Variants in NSD2 observed in about 807,000 individuals in gnomAD.
The protein encoded by NSD2 is histone-lysine N-methyltransferase NSD2.
A neutral mutation model predicts 139.0 loss-of-function variants in NSD2; 12 were observed. The ratio of observed to expected loss-of-function variants is 0.09; its 90% confidence interval spans 0.06 to 0.14. The LOEUF is 0.14. Among genes scored for constraint, NSD2 ranks in the 10% least tolerant of loss-of-function variants. The pLI is 1.00. For synonymous variants in NSD2, 669 were observed against 648.7 expected (o/e 1.03, Z -0.48); for missense variants, 1,155 against 1,745.0 (o/e 0.66, Z 6.02).
Position 1,906,654 on chromosome 4 carries a change from C to CTTTTT in NSD2, c.760+2296_760+2300dup, listed in dbSNP as rs537619996. Among the ~76,000 whole-genome samples, 35 of 99,958 alleles carry CTTTTT rather than the reference C, an allele frequency of 3.5e-4. 1 individual carries two copies. The highest frequency in any genetic ancestry group is 4.2e-4 in the Non-Finnish European group (22 of 51,828). The allele number at this position is 99,958 out of a possible 152,430, so 65.6% of individuals were successfully genotyped here. On this transcript the variant is annotated intron_variant, in intron 3 of 21. Coordinates refer to ENST00000508803, the MANE Select transcript of NSD2 (RefSeq NM_001042424.3). ...GCCATTTTTACTTCTCTCTCTCTCT[C>CTTTTT]TTTTTTTTTTTTTTTTTTTTTTTTG...
rs547608754 is a variant in NSD2, at chr4:1,921,463, A to T, written c.1410+2840A>T. Among the ~76,000 whole-genome samples, 19 of 145,182 alleles carry T rather than the reference A, an allele frequency of 1.3e-4. 1 individual carries two copies. Among genetic ancestry groups the T allele is most frequent in the Admixed American group, 1.0e-3 (15 of 14,422 alleles). On this transcript the variant is annotated intron_variant, in intron 5 of 21. Transcript: ENST00000508803. ...ACAGAGCGAGACTCCGTCTCAAATT[A>T]AAAAAAAAAAGCATTCTCTTTAAAA... is the stretch of plus-strand genomic sequence containing the variant.
rs543954151 is a variant in NSD2 at position 1,962,438 on chromosome 4, AG to A, written c.3372+1288del. Among the ~76,000 whole-genome samples, 80 of 152,308 alleles carry A rather than the reference AG, an allele frequency of 5.3e-4. 1 individual carries two copies. The highest frequency in any genetic ancestry group is 1.8e-3 in the African/African-American group (76 of 41,570). On this transcript the variant is annotated intron_variant, in intron 18 of 21. Transcript: ENST00000508803. Reference sequence around the variant, plus strand: ...CATGCTAAATTTCATAGGTATGGAAAGTGTTGTGGCTGCGCAAGAGAATGAC... The same window carrying A: ...CATGCTAAATTTCATAGGTATGGAAATGTTGTGGCTGCGCAAGAGAATGAC...
At chr4:1,939,393 T>C in intron 8 of NSD2, 2 of 467,450 alleles carry the variant, frequency 4.3e-6, no homozygotes, top group Non-Finnish European at 7.8e-6. Flanking sequence ...CAGGGGGACG[T>C]GGAACCAGGT....
intron 7 of NSD2, among the ~76,000 whole-genome samples, chr4:1,937,218 A>AT (rs1467691472): frequency 9.9e-5 from 15 of 151,712 alleles, no homozygotes; most frequent in Non-Finnish European, 1.6e-4. Context: ...TGTCCAGCTA[A>AT]TTTTTTTGTA....
Position 1,874,313 on chromosome 4 carries a change from G to C in NSD2, c.-30+2771G>C, listed in dbSNP as rs148346589. On this transcript the variant is annotated intron_variant, in intron 1 of 21. Coordinates refer to ENST00000508803, the MANE Select transcript of NSD2 (RefSeq NM_001042424.3). ...TACGTGGTACCATGTCCTGACTCCA[G>C]GCCTTTGTGTGGGCTGTTCTTGGGT... Among the ~76,000 whole-genome samples the C allele has an allele frequency of 2.4e-4, 37 of 152,252 alleles. 1 individual carries two copies. In the East Asian group the frequency reaches 7.1e-3, roughly 29 times the overall value.
chr4:1,970,328 G>A (rs186777528), intron 18 of NSD2, among the ~76,000 whole-genome samples: 1 of 152,214 alleles, frequency 6.6e-6, no homozygotes, highest in African/African-American at 2.4e-5. Flanking sequence ...TCCTCAGAAC[G>A]AGCCAGGGGT....
rs142054662 is a variant in NSD2 at position 1,978,838 on chromosome 4, C to T, written c.4027C>T (p.Pro1343Ser). 8 of 1,603,636 alleles carry T rather than the reference C, an allele frequency of 5.0e-6. No individual in the cohort carries two copies. The highest frequency in any genetic ancestry group is 6.8e-6 in the Non-Finnish European group (8 of 1,172,402). The change falls in exon 22 of 22, where the codon CCA becomes TCA. Residue 1343 changes from proline (P) to serine (S), a missense_variant. Physicochemically the swap from Pro to Ser is moderately conservative, Grantham distance 74. This residue lies in a region of NSD2 where 132 missense variants were observed against 94.3 expected (regional missense o/e 1.40). Coordinates refer to ENST00000508803, the MANE Select transcript of NSD2 (RefSeq NM_001042424.3). The stretch of plus-strand genomic sequence containing the variant: ...AAGCACCAAGACTGAGAAGCCCCCC[C>T]CAGAGCCAGGGAAGCCGAAGGGGAA... ...VRSTKTEKPP[P>S]EPGKPKGKRR...
chr4:1,881,323 C>T (rs545073900), intron 1 of NSD2, among the ~76,000 whole-genome samples: 2 of 152,222 alleles, frequency 1.3e-5, no homozygotes, highest in Non-Finnish European at 2.9e-5. Context: ...AGTGCAGTGG[C>T]GCGATCTCGG....
At chr4:1,909,891 G>A (rs1260089695) in intron 3 of NSD2, among the ~76,000 whole-genome samples, 4 of 151,360 alleles carry the variant, frequency 2.6e-5, no homozygotes, top group East Asian at 2.0e-4. Flanking sequence ...CGCCCAACTC[G>A]GCCTCCCAAA....
intron 9 of NSD2, chr4:1,941,408 G>A (rs1723082182): frequency 1.9e-6 from 2 of 1,049,182 alleles, no homozygotes; most frequent in Non-Finnish European, 1.2e-6. Context: ...TATATCGAAG[G>A]CTTTGATTTA....
At chr4:1,950,957 G>A in intron 9 of NSD2, 115 bp from the exon 10 acceptor site, 1 of 1,408,766 alleles carries the variant, frequency 7.1e-7, no homozygotes, top group Non-Finnish European at 9.7e-7. Context: ...TACAGGACCA[G>A]TGCTGAGAAA....
chr4:1,910,094 TTTTGGAAATCAAAATTTCC>T lies in NSD2; in HGVS notation c.760+5727_760+5745del, dbSNP rs534869123. On this transcript the variant is annotated intron_variant, in intron 3 of 21. Transcript: ENST00000508803. ...ATAAGCTACAGCTCAATCTAGATTCTTTTGGAAATCAAAATTTCCTTTGGAAATCTTAAGTTAATGAAAG... is the reference window on the plus strand; with the variant it reads ...ATAAGCTACAGCTCAATCTAGATTCTTTTGGAAATCTTAAGTTAATGAAAG... Among the ~76,000 whole-genome samples, 141 of 152,334 alleles carry T rather than the reference TTTTGGAAATCAAAATTTCC, an allele frequency of 9.3e-4. 2 individuals are homozygous for T. In the South Asian group the frequency reaches 0.026, roughly 28 times the overall value.
chr4:1,975,106 T>C (rs1726931623), intron 19 of NSD2, 102 bp downstream of exon 19: 1 of 1,553,256 alleles, frequency 6.4e-7, no homozygotes, highest in South Asian at 1.2e-5. Context: ...CTGGGGGAGG[T>C]GGGTGCTGAT....
chr4:1,900,620 C>T lies in NSD2; in HGVS notation c.-29-6C>T. 3 of 1,483,016 alleles carry T rather than the reference C, an allele frequency of 2.0e-6. No individual in the cohort carries two copies. Among genetic ancestry groups the T allele is most frequent in the Non-Finnish European group, 9.0e-7 (1 of 1,109,382 alleles). The allele number at this position is 1,483,016 out of a possible 1,614,324, so 91.9% of individuals were successfully genotyped here. A position where few individuals can be genotyped will look rare whatever the true frequency, so the allele number is the denominator to read the frequency against. Reference sequence around the variant, plus strand: ...TCTTTCTTTTTTCTTTTTTTTAATACCATAGTGTTCTAAGAACGGAAGCAT... The same window carrying T: ...TCTTTCTTTTTTCTTTTTTTTAATATCATAGTGTTCTAAGAACGGAAGCAT... On this transcript the variant is annotated splice_region_variant and splice_polypyrimidine_tract_variant and intron_variant, in intron 1 of 21. Transcript: ENST00000508803.
Position 1,944,200 on chromosome 4 carries a change from G to C in NSD2, c.1881+4422G>C. On this transcript the variant is annotated intron_variant, in intron 9 of 21. Coordinates refer to ENST00000508803, the MANE Select transcript of NSD2 (RefSeq NM_001042424.3). ...TGTGTGGCAGCATTGTCCCACTTCA[G>C]ATGCCAGGAGTGGGCTCATCCTAGA... 3.8e-6 allele frequency: 4 copies of C among 1,066,266 alleles called. No individual in the cohort carries two copies. The South Asian group carries it at 1.4e-4, about 36-fold the overall frequency. 66.1% of individuals were successfully genotyped at this position (1,066,266 alleles called of 1,614,324 possible). A position where few individuals can be genotyped will look rare whatever the true frequency, so the allele number is the denominator to read the frequency against.
Position 1,930,755 on chromosome 4 carries a change from G to A in NSD2, c.1540G>A (p.Ala514Thr), listed in dbSNP as rs1262675030. ...TKFALVAPVQ[A>T]EEDSGNVNGK... ...GTTTGCCCTGGTGGCCCCTGTCCAG[G>A]CTGAAGAAGACTCTGGTAAACATAG... Residue 514 changes from alanine to threonine, a missense_variant, in exon 6 of 22, where the codon GCT becomes ACT. Transcript: ENST00000508803. 2 of 1,613,342 alleles carry A rather than the reference G, an allele frequency of 1.2e-6. No homozygotes were observed. The highest frequency in any genetic ancestry group is 1.3e-5 in the African/African-American group (1 of 74,938).
Position 1,929,604 on chromosome 4 carries a change from C to G in NSD2, c.1411-1022C>G, listed in dbSNP as rs569671675. ...AAGACAGCCATGGGCAGCATGGGAA[C>G]AAATGCATGGGGCTGACATCCAGTA... On this transcript the variant is annotated intron_variant, in intron 5 of 21. Transcript: ENST00000508803. 2.6e-5 allele frequency among the ~76,000 whole-genome samples: 4 copies of G among 152,308 alleles called. No homozygotes were observed. The South Asian group carries it at 8.3e-4, about 32-fold the overall frequency.
At chr4:1,898,690 C>CACT (rs1716750963) in intron 1 of NSD2, among the ~76,000 whole-genome samples, 15 of 134,840 alleles carry the variant, frequency 1.1e-4, no homozygotes, top group Non-Finnish European at 2.2e-4. Context: ...AAAAAACACA[C>CACT]TTTTTTTTTT....
At chr4:1,917,775 A>ATT (rs1719592236) in intron 4 of NSD2, among the ~76,000 whole-genome samples, 1 of 139,258 alleles carries the variant, frequency 7.2e-6, no homozygotes, top group Non-Finnish European at 1.6e-5. Flanking sequence ...ATGTAAAAGT[A>ATT]TTCTTTTTTT....
Sources: gnomAD v4.1 joint callset for allele counts (sites outside exome capture counted in the v4.1 genomes callset) on GRCh38, gnomAD v4.1.1 for gene constraint, gnomAD v4.1.1 regional missense constraint, MANE v1.5 for transcripts, NCBI Gene and HGNC (gene_info 2026-07-23, HGNC 2026-07-21) for gene names.